RGS7: variants seen among roughly 807,000 people sequenced by gnomAD.
The protein encoded by RGS7 is regulator of G-protein signaling 7.
RGS7 carries 27 observed loss-of-function variants against 81.1 expected under a neutral mutation model. The observed-to-expected ratio is 0.33, with a 90% confidence interval of 0.25 to 0.46. RGS7 has a LOEUF of 0.46. Among genes scored for constraint, RGS7 ranks in the 20% least tolerant of loss-of-function variants. The pLI is 1.00. For synonymous variants in RGS7, 208 were observed against 207.7 expected, an observed-to-expected ratio of 1.00 and a Z score of -0.01; for missense variants, 396 against 607.4, an observed-to-expected ratio of 0.65 and a Z score of 3.66.
chr1:240,834,952 ACAC>A (rs1163813067), intron 9 of RGS7, among the ~76,000 whole-genome samples: 1 of 150,902 alleles, frequency 6.6e-6, no homozygotes, highest in African/African-American at 2.5e-5. Flanking sequence ...ACACACACAC[ACAC>A]AAACTCAAAA....
Position 240,859,017 on chromosome 1 carries a change from G to A in RGS7, c.609+9570C>T, listed in dbSNP as rs186073825. Among the ~76,000 whole-genome samples, 13 of 152,270 alleles carry A rather than the reference G, an allele frequency of 8.5e-5. No homozygotes were observed. In the South Asian group the frequency reaches 2.5e-3, roughly 29 times the overall value. On this transcript the variant is annotated intron_variant, in intron 9 of 18. Transcript: ENST00000440928. ...GCTAGCCTCATAGAATGAGTTAGGA[G>A]GTAGCCACTCTGCTATTTTCTGGAA...
chr1:241,226,070 G>A (rs2075292821), intron 2 of RGS7, among the ~76,000 whole-genome samples: 3 of 152,178 alleles, frequency 2.0e-5, no homozygotes, highest in Non-Finnish European at 2.9e-5. Flanking sequence ...CCTGTAGCTA[G>A]ATCGTAAACC....
At chr1:240,882,635 C>T (rs1328257653) in intron 6 of RGS7, among the ~76,000 whole-genome samples, 1 of 152,166 alleles carries the variant, frequency 6.6e-6, no homozygotes, top group Non-Finnish European at 1.5e-5. Context: ...GACAATTCCA[C>T]TCTGGCTCTC....
At chr1:240,949,305 CA>C (rs1375887704) in intron 4 of RGS7, among the ~76,000 whole-genome samples, 1 of 151,924 alleles carries the variant, frequency 6.6e-6, no homozygotes, top group Admixed American at 6.6e-5. Context: ...TTACTCATAC[CA>C]GGTTTTATTA....
At position 240,827,110 on chromosome 1, in the gene RGS7, G is replaced by C. The variant is rs1345354325; in HGVS notation, c.672C>G (p.His224Gln). The change falls in exon 10 of 19, where the codon CAC becomes CAG. Residue 224 changes from histidine (H) to glutamine (Q), a missense_variant. Transcript: ENST00000440928. The stretch of plus-strand genomic sequence containing the variant: ...ATGACAGTTTTACCTTCCGTGTTTT[G>C]TGGGGGTTTCTCATTCTGGATGACT... ...IKKSSRMRNP[H>Q]KTRKSVYGLQ... 1 of 1,612,942 alleles carries C rather than the reference G, an allele frequency of 6.2e-7. No individual in the cohort carries two copies. Among genetic ancestry groups the C allele is most frequent in the African/African-American group, 1.3e-5 (1 of 74,898 alleles).
At chr1:241,105,091 T>C (rs2102919791) in intron 2 of RGS7, among the ~76,000 whole-genome samples, 1 of 152,310 alleles carries the variant, frequency 6.6e-6, no homozygotes, top group South Asian at 2.1e-4. Flanking sequence ...TAGGGCAGGT[T>C]AAAACACTCT....
chr1:241,019,278 T>C (rs1176969371), intron 3 of RGS7, among the ~76,000 whole-genome samples: 1 of 152,216 alleles, frequency 6.6e-6, no homozygotes, highest in East Asian at 1.9e-4. Context: ...CAATTCTTTC[T>C]GTACTGTATC....
At chr1:241,049,362 T>C (rs1234415534) in intron 3 of RGS7, among the ~76,000 whole-genome samples, 2 of 152,210 alleles carry the variant, frequency 1.3e-5, no homozygotes, top group South Asian at 2.1e-4. Flanking sequence ...ATTTACAACA[T>C]AGATGCATTA....
chr1:240,933,088 T>C (rs192393731), intron 5 of RGS7, among the ~76,000 whole-genome samples: 3,295 of 150,444 alleles, frequency 0.022, 77 homozygotes, highest in Admixed American at 0.045. Flanking sequence ...TTCACCGTGT[T>C]AGCCAGGATG....
At chr1:240,928,768 C>A (rs1366156476) in intron 6 of RGS7, among the ~76,000 whole-genome samples, 2 of 151,980 alleles carry the variant, frequency 1.3e-5, no homozygotes, top group African/African-American at 4.8e-5. Flanking sequence ...CCCTACCACA[C>A]CCTGGCTAAT....
chr1:240,852,586 T>C (rs1335850002), intron 9 of RGS7, among the ~76,000 whole-genome samples: 1 of 152,168 alleles, frequency 6.6e-6, no homozygotes, highest in African/African-American at 2.4e-5. Flanking sequence ...GTGAATGTTC[T>C]CTAGGCACTA....
intron 4 of RGS7, among the ~76,000 whole-genome samples, chr1:240,949,326 A>G (rs1456651961): frequency 6.6e-6 from 1 of 152,102 alleles, no homozygotes; most frequent in East Asian, 1.9e-4. Flanking sequence ...AATTTACCCT[A>G]TTAGACTTCA....
chr1:240,881,348 C>T (rs1471481453), intron 6 of RGS7, among the ~76,000 whole-genome samples: 34 of 45,618 alleles, frequency 7.5e-4, no homozygotes, highest in African/African-American at 2.9e-3. Context: ...GGGGGCCTGT[C>T]GTGGGGTGGG....
intron 2 of RGS7, among the ~76,000 whole-genome samples, chr1:241,252,737 G>A (rs1248744986): frequency 2.0e-5 from 3 of 152,162 alleles, no homozygotes; most frequent in African/African-American, 7.2e-5. Flanking sequence ...AATAAATTAA[G>A]AGTAAGTCTT....
chr1:240,792,697 A>G (rs1055919319), intron 18 of RGS7, among the ~76,000 whole-genome samples: 5 of 152,214 alleles, frequency 3.3e-5, no homozygotes, highest in Admixed American at 2.6e-4. Flanking sequence ...TGGAAAGCCA[A>G]ATCTGTTCAC....
chr1:241,090,612 C>A (rs1286425085), intron 3 of RGS7, among the ~76,000 whole-genome samples: 2 of 152,072 alleles, frequency 1.3e-5, no homozygotes, highest in Non-Finnish European at 2.9e-5. Flanking sequence ...ATTTCAATTA[C>A]CTTGTAAATA....
At chr1:240,984,345 T>C (rs183133583) in intron 3 of RGS7, among the ~76,000 whole-genome samples, 1 of 152,204 alleles carries the variant, frequency 6.6e-6, no homozygotes, top group African/African-American at 2.4e-5. Context: ...AATCCAAGGA[T>C]GAAGGGAAAA....
chr1:241,045,981 A>G (rs2060903846), intron 3 of RGS7, among the ~76,000 whole-genome samples: 1 of 151,268 alleles, frequency 6.6e-6, no homozygotes, highest in African/African-American at 2.4e-5. Flanking sequence ...GCCCTGGTCT[A>G]TGGAAAGTAC....
intron 2 of RGS7, among the ~76,000 whole-genome samples, chr1:241,105,241 A>T (rs916655672): frequency 5.3e-5 from 8 of 152,172 alleles, no homozygotes; most frequent in African/African-American, 1.9e-4. Flanking sequence ...AATGCAAGAG[A>T]GTAAATCAGT....
Sources: gnomAD v4.1 joint callset for allele counts (sites outside exome capture counted in the v4.1 genomes callset) on GRCh38, gnomAD v4.1.1 for gene constraint, MANE v1.5 for transcripts, NCBI Gene and HGNC (gene_info 2026-07-23, HGNC 2026-07-21) for gene names.